The following DNAH7 variants were observed in gnomAD, a reference collection of about 807,000 sequenced individuals.
DNAH7 encodes axonemal beta dynein heavy chain 7.
DNAH7 carries 397 observed loss-of-function variants against 444.6 expected under a neutral mutation model. The ratio of observed to expected loss-of-function variants is 0.89; its 90% CI spans 0.82 to 0.97. DNAH7 has a LOEUF of 0.97. Ranked by LOEUF, DNAH7 falls within the 50% of genes least tolerant of loss-of-function variation. The pLI is 0.00. For missense variants in DNAH7, 4,902 were observed against 4,800.8 expected (o/e 1.02, Z -0.62); for synonymous variants, 1,636 against 1,624.4 (o/e 1.01, Z -0.17).
At chr2:195,867,331 T>C (rs1180776707) in intron 40 of DNAH7, among the ~76,000 whole-genome samples, 1 of 152,238 alleles carries the variant, frequency 6.6e-6, no homozygotes, top group Non-Finnish European at 1.5e-5. Context: ...CTTAAAACTT[T>C]CTATTATAAA....
intron 46 of DNAH7, among the ~76,000 whole-genome samples, chr2:195,846,357 A>G (rs1449455157): frequency 6.6e-6 from 1 of 152,188 alleles, no homozygotes; most frequent in African/African-American, 2.4e-5. Flanking sequence ...GTGAAAAAAC[A>G]ACAGATGCTG....
At chr2:195,774,343 T>C (rs946091103) in intron 60 of DNAH7, among the ~76,000 whole-genome samples, 1 of 152,270 alleles carries the variant, frequency 6.6e-6, no homozygotes, top group African/African-American at 2.4e-5. Context: ...GCTATCAATA[T>C]CTAAAATGGA....
chr2:196,063,059 T>C (rs1698220841), intron 1 of DNAH7, among the ~76,000 whole-genome samples: 1 of 152,130 alleles, frequency 6.6e-6, no homozygotes, highest in African/African-American at 2.4e-5. Flanking sequence ...TTTTTGTATT[T>C]TGAGTACAGA....
intron 24 of DNAH7, among the ~76,000 whole-genome samples, chr2:195,912,702 T>C (rs762075903): frequency 5.3e-5 from 8 of 152,206 alleles, no homozygotes; most frequent in Non-Finnish European, 1.0e-4. Context: ...CACCAAGACA[T>C]CACTATACAG....
intron 33 of DNAH7, among the ~76,000 whole-genome samples, 184 bp downstream of exon 33, chr2:195,888,074 A>T (rs992407661): frequency 6.6e-6 from 1 of 152,144 alleles, no homozygotes; most frequent in Non-Finnish European, 1.5e-5. Flanking sequence ...AGTAGCACCA[A>T]TATACCTCAT....
At chr2:195,950,258 C>T (rs998098337) in intron 19 of DNAH7, among the ~76,000 whole-genome samples, 1 of 151,980 alleles carries the variant, frequency 6.6e-6, no homozygotes, top group African/African-American at 2.4e-5. Context: ...GGTTGGTAGG[C>T]TATTAATTAC....
Position 195,857,466 on chromosome 2 carries a change from A to G in DNAH7, c.8325T>C (p.Asn2775=), listed in dbSNP as rs371459051. 6.2e-7 allele frequency: 1 copy of G among 1,613,494 alleles called. No homozygotes were observed. Among genetic ancestry groups the G allele is most frequent in the Non-Finnish European group, 8.5e-7 (1 of 1,179,810 alleles). The change falls in exon 44 of 65, where the codon AAT becomes AAC. Residue 2775 remains asparagine (N), a synonymous_variant. Coordinates refer to ENST00000312428, the MANE Select transcript of DNAH7 (RefSeq NM_018897.3). The part of the protein sequence containing the change: ...MNIIRKNYIP[N]PDFVPEKIRN... ...TGATTTTTTCTGGTACAAAATCTGG[A>G]TTTGGAATATAATTTTTTCTTATGA...
Position 195,794,361 on chromosome 2 carries a change from AC to A in DNAH7, c.10692del (p.Glu3564AspfsTer35). On this transcript the variant is annotated frameshift_variant, in exon 57 of 65. Coordinates refer to ENST00000312428, the MANE Select transcript of DNAH7 (RefSeq NM_018897.3). LOFTEE classifies it high-confidence loss of function. ...SYLMDPISDP[E>X]FFGSCKKPEE... ...ACAGGCTTTTTGCAGCTGCCAAAGA[AC>A]TCCGGATCAGAGATCGGGTCCATGA... 2 of 1,613,964 alleles carry A rather than the reference AC, an allele frequency of 1.2e-6. No individual in the cohort carries two copies. The highest frequency in any genetic ancestry group is 8.5e-7 in the Non-Finnish European group (1 of 1,179,976).
At position 196,064,231 on chromosome 2, in the gene DNAH7, CG is replaced by C. The variant is rs571320294; in HGVS notation, c.15+4465del. ...TCAGGAGGCTGAGGCAGGAGAATGG[CG>C]TGAACCTTGGGAGGTGGAGGATGCA... On this transcript the variant is annotated intron_variant, in intron 1 of 64. Transcript: ENST00000312428. Among the ~76,000 whole-genome samples the C allele has an allele frequency of 2.5e-3, 373 of 151,692 alleles. 1 individual carries two copies. Among genetic ancestry groups the C allele is most frequent in the African/African-American group, 8.5e-3 (351 of 41,276 alleles).
intron 1 of DNAH7, among the ~76,000 whole-genome samples, chr2:196,058,412 G>A (rs1697943429): frequency 1.3e-5 from 2 of 152,348 alleles, no homozygotes; most frequent in South Asian, 4.1e-4. Context: ...TCCACAGGGA[G>A]AGGACATGGA....
chr2:195,933,098 G>C (rs62203361), intron 21 of DNAH7, among the ~76,000 whole-genome samples: 30,046 of 151,982 alleles, frequency 0.2, 4,271 homozygotes, highest in African/African-American at 0.4. Flanking sequence ...AATTTCAGAG[G>C]CTGTTATTGG....
chr2:196,058,765 A>C (rs932427217), intron 1 of DNAH7, among the ~76,000 whole-genome samples: 5 of 152,200 alleles, frequency 3.3e-5, no homozygotes, highest in African/African-American at 9.6e-5. Context: ...CACCCTGAAA[A>C]TATTCTACAG....
chr2:196,008,480 C>T (rs1295978789), intron 10 of DNAH7, among the ~76,000 whole-genome samples: 1 of 152,058 alleles, frequency 6.6e-6, no homozygotes, highest in Non-Finnish European at 1.5e-5. Flanking sequence ...ATGTTCATAG[C>T]AAAAACAGCC....
chr2:196,044,479 C>T (rs1404031887), intron 5 of DNAH7, among the ~76,000 whole-genome samples: 1 of 151,992 alleles, frequency 6.6e-6, no homozygotes, highest in African/African-American at 2.4e-5. Flanking sequence ...AAAGACTACA[C>T]ATTGGGTACA....
intron 15 of DNAH7, among the ~76,000 whole-genome samples, chr2:195,981,513 C>T (rs954563336): frequency 4.6e-5 from 7 of 151,674 alleles, no homozygotes; most frequent in South Asian, 2.1e-4. Flanking sequence ...CAAAGCTATC[C>T]GGAGCAAAAA....
At chr2:195,785,721 T>C (rs1438050678) in intron 58 of DNAH7, among the ~76,000 whole-genome samples, 5 of 152,118 alleles carry the variant, frequency 3.3e-5, no homozygotes, top group South Asian at 2.1e-4. Flanking sequence ...GAATTTGTAA[T>C]GTTAAACCAG....
chr2:195,871,526 G>A (rs1024229991), intron 40 of DNAH7, among the ~76,000 whole-genome samples: 5 of 151,304 alleles, frequency 3.3e-5, no homozygotes, highest in Admixed American at 6.6e-5. Flanking sequence ...TTTTTATATA[G>A]TTTCTATGCT....
chr2:195,825,129 A>C (rs1697670301), intron 48 of DNAH7: 5 of 152,196 alleles, frequency 3.3e-5, no homozygotes, highest in Admixed American at 3.3e-4. Flanking sequence ...AAACACAAGA[A>C]TTAGCCAGGT....
chr2:195,913,160 T>C (rs1188395207), intron 24 of DNAH7, among the ~76,000 whole-genome samples: 8 of 152,094 alleles, frequency 5.3e-5, no homozygotes, highest in Non-Finnish European at 8.8e-5. Context: ...GTTTACTCAA[T>C]AAACTACTTA....
Sources: gnomAD v4.1 joint callset for allele counts (sites outside exome capture counted in the v4.1 genomes callset) on GRCh38, gnomAD v4.1.1 for gene constraint, MANE v1.5 for transcripts, NCBI Gene and HGNC (gene_info 2026-07-23, HGNC 2026-07-21) for gene names.